Variants in RGS17 observed in about 807,000 individuals in gnomAD.
The protein encoded by RGS17 is regulator of G protein signaling 17.
RGS17 carries 12 observed loss-of-function variants against 25.5 expected under a neutral mutation model. The observed-to-expected ratio is 0.47, with a 90% confidence interval of 0.30 to 0.76. RGS17 has a LOEUF of 0.76. Ranked by LOEUF, RGS17 falls within the 30% of genes least tolerant of loss-of-function variation. RGS17 has a pLI of 0.07. For missense variants in RGS17, 196 were observed against 242.2 expected, an observed-to-expected ratio of 0.81 and a Z score of 1.27; for synonymous variants, 71 against 76.9, an observed-to-expected ratio of 0.92 and a Z score of 0.40.
At chr6:153,060,777 ACACAATAAATCTAT>A (rs1425729683) in intron 1 of RGS17, among the ~76,000 whole-genome samples, 1 of 152,072 alleles carries the variant, frequency 6.6e-6, no homozygotes, top group Non-Finnish European at 1.5e-5. Flanking sequence ...AATTCCAAAT[ACACAATAAATCTAT>A]CACAATAAAT....
At chr6:153,026,198 A>C (rs1160013687) in intron 3 of RGS17, among the ~76,000 whole-genome samples, 2 of 152,234 alleles carry the variant, frequency 1.3e-5, no homozygotes, top group Admixed American at 1.3e-4. Flanking sequence ...GTGCTAATTC[A>C]TAAGACAATC....
At chr6:153,075,481 G>A (rs1584145690) in intron 1 of RGS17, among the ~76,000 whole-genome samples, 1 of 152,238 alleles carries the variant, frequency 6.6e-6, no homozygotes, top group East Asian at 1.9e-4. Flanking sequence ...TTGCACCTGA[G>A]ATGTGTCACC....
chr6:153,034,570 C>A (rs1776215537), intron 2 of RGS17, among the ~76,000 whole-genome samples: 1 of 152,108 alleles, frequency 6.6e-6, no homozygotes, highest in African/African-American at 2.4e-5. Flanking sequence ...TCGCATTTTA[C>A]TGAGGAAGAA....
intron 1 of RGS17, among the ~76,000 whole-genome samples, chr6:153,093,418 C>T (rs1422742387): frequency 1.3e-5 from 2 of 152,248 alleles, no homozygotes; most frequent in Non-Finnish European, 2.9e-5. Flanking sequence ...GCAATATTTG[C>T]GACTATAGTC....
At chr6:153,011,793 TAATA>T (rs765417526) in intron 4 of RGS17, 31 bp from the exon 5 acceptor site, 219 of 398,090 alleles carry the variant, frequency 5.5e-4, no homozygotes, top group Middle Eastern at 7.6e-4. Context: ...ATACATTAAA[TAATA>T]TTTTTTTCAA....
At chr6:153,114,409 T>G (rs1405478269) in intron 1 of RGS17, among the ~76,000 whole-genome samples, 1 of 152,092 alleles carries the variant, frequency 6.6e-6, no homozygotes, top group African/African-American at 2.4e-5. Context: ...AATAGACCAA[T>G]AGTAAGTTCT....
At chr6:153,036,442 G>T (rs1318185767) in intron 2 of RGS17, among the ~76,000 whole-genome samples, 1 of 152,042 alleles carries the variant, frequency 6.6e-6, no homozygotes, top group Admixed American at 6.5e-5. Context: ...CTTTAAATGT[G>T]GTGTGTCCTG....
intron 1 of RGS17, among the ~76,000 whole-genome samples, chr6:153,090,340 T>G (rs2129121412): frequency 6.6e-6 from 1 of 150,934 alleles, no homozygotes; most frequent in East Asian, 2.0e-4. Context: ...AGGCCCGGCA[T>G]GGTGGCTCAC....
intron 1 of RGS17, among the ~76,000 whole-genome samples, chr6:153,097,212 T>A (rs1164618774): frequency 6.6e-6 from 1 of 151,932 alleles, no homozygotes; most frequent in Non-Finnish European, 1.5e-5. Flanking sequence ...TGATCCCAAA[T>A]GTTTTCTCTC....
intron 2 of RGS17, among the ~76,000 whole-genome samples, chr6:153,028,669 G>A (rs974249876): frequency 2.0e-5 from 3 of 152,038 alleles, no homozygotes; most frequent in African/African-American, 7.2e-5. Context: ...CAATTTTTTG[G>A]TAAATTCTAT....
chr6:153,080,697 T>G (rs1776963223), intron 1 of RGS17, among the ~76,000 whole-genome samples: 1 of 152,100 alleles, frequency 6.6e-6, no homozygotes, highest in African/African-American at 2.4e-5. Context: ...GGTAATTGAG[T>G]TCTTTCTTCC....
chr6:153,103,696 T>TA (rs1351793704), intron 1 of RGS17, among the ~76,000 whole-genome samples: 5 of 152,252 alleles, frequency 3.3e-5, no homozygotes, highest in African/African-American at 1.2e-4. Context: ...GTTAATGCTT[T>TA]AAAAATGTAT....
At chr6:153,044,746 G>A (rs1776367376) in intron 1 of RGS17, among the ~76,000 whole-genome samples, 1 of 152,170 alleles carries the variant, frequency 6.6e-6, no homozygotes, top group Admixed American at 6.6e-5. Context: ...TACTCTGGTG[G>A]AATTTATATA....
chr6:153,125,489 C>A (rs984091002), intron 1 of RGS17, among the ~76,000 whole-genome samples: 14 of 152,124 alleles, frequency 9.2e-5, no homozygotes, highest in African/African-American at 3.1e-4. Flanking sequence ...ATTGCTTCTC[C>A]TATAGGGACC....
chr6:153,126,183 C>T (rs1777700889), intron 1 of RGS17, among the ~76,000 whole-genome samples: 1 of 152,198 alleles, frequency 6.6e-6, no homozygotes. Context: ...TCCCTATGAT[C>T]TCTATGTACT....
chr6:153,037,614 C>T lies in RGS17; in HGVS notation c.119+6286G>A, dbSNP rs1194969547. Reference sequence around the variant, plus strand: ...CTAATTTTTGTATTTTTAGTACAGACGGGGTTTCACCATGTTGGTCAGGCT... The same window carrying T: ...CTAATTTTTGTATTTTTAGTACAGATGGGGTTTCACCATGTTGGTCAGGCT... On this transcript the variant is annotated intron_variant, in intron 2 of 4. Transcript: ENST00000206262. Among the ~76,000 whole-genome samples, 4 of 151,248 alleles carry T rather than the reference C, an allele frequency of 2.6e-5. No homozygotes were observed. In the East Asian group the frequency reaches 5.9e-4, roughly 22 times the overall value.
At chr6:153,047,882 C>T (rs1776404745) in intron 1 of RGS17, among the ~76,000 whole-genome samples, 1 of 152,212 alleles carries the variant, frequency 6.6e-6, no homozygotes, top group Non-Finnish European at 1.5e-5. Context: ...TCTCTTGCCT[C>T]CTGGGCACCA....
At chr6:153,061,400 G>A (rs1021690813) in intron 1 of RGS17, among the ~76,000 whole-genome samples, 5 of 152,110 alleles carry the variant, frequency 3.3e-5, no homozygotes, top group Non-Finnish European at 5.9e-5. Context: ...TATGTGACAT[G>A]TTCATTTTGA....
At chr6:153,096,340 T>G (rs1777211858) in intron 1 of RGS17, among the ~76,000 whole-genome samples, 1 of 152,258 alleles carries the variant, frequency 6.6e-6, no homozygotes, top group African/African-American at 2.4e-5. Flanking sequence ...TTAGCCTCTC[T>G]GGGCTGTTTC....
Sources: allele counts gnomAD v4.1 joint callset (sites outside exome capture counted in the v4.1 genomes callset), GRCh38; gene constraint gnomAD v4.1.1; transcripts MANE v1.5; gene names NCBI Gene and HGNC (gene_info 2026-07-23, HGNC 2026-07-21).